LRRC8C: variants seen among roughly 807,000 people sequenced by gnomAD.
LRRC8C encodes leucine rich repeat containing 8 VRAC subunit C.
A neutral mutation model predicts 55.3 loss-of-function variants in LRRC8C; 20 were observed. The observed-to-expected ratio is 0.36, with a 90% CI of 0.25 to 0.53. The LOEUF is 0.53. Among genes scored for constraint, LRRC8C ranks in the 20% least tolerant of loss-of-function variants. The pLI is 0.92. For missense variants in LRRC8C, 659 were observed against 951.4 expected, an observed-to-expected ratio of 0.69 and a Z score of 4.04; for synonymous variants, 376 against 360.7, an observed-to-expected ratio of 1.04 and a Z score of -0.48.
At chr1:89,682,627 T>C (rs1657750533) in intron 1 of LRRC8C, among the ~76,000 whole-genome samples, 1 of 152,184 alleles carries the variant, frequency 6.6e-6, no homozygotes, top group Non-Finnish European at 1.5e-5. Context: ...TTCACATTAC[T>C]CAAGATAGAG....
rs141625607 is a variant in LRRC8C, at chr1:89,657,298, A to G, written c.-5+23976A>G. ...AAGTGTACAAAACTGTAATCAGTTC[A>G]TAGGAAGAGAATTTGTACAAAATTA... On this transcript the variant is annotated intron_variant, in intron 1 of 2. Transcript: ENST00000370454. Among the ~76,000 whole-genome samples, 619 of 152,356 alleles carry G rather than the reference A, an allele frequency of 4.1e-3. 3 individuals are homozygous for G. Among genetic ancestry groups the G allele is most frequent in the Non-Finnish European group, 7.0e-3 (475 of 68,030 alleles).
At chr1:89,620,579 CAA>C in the LRRC8C span, among the ~76,000 whole-genome samples, 44,136 of 137,028 alleles carry the variant, frequency 0.32, 6,504 homozygotes, top group East Asian at 0.58. Flanking sequence ...GATGATTTTT[CAA>C]AAAAAAAAAA....
At chr1:89,690,010 T>TAAACATG (rs1240926069) in intron 2 of LRRC8C, among the ~76,000 whole-genome samples, 1 of 152,174 alleles carries the variant, frequency 6.6e-6, no homozygotes, top group Non-Finnish European at 1.5e-5. Context: ...AGTTTGTTTG[T>TAAACATG]AAACATGTTA....
rs1658865915 is a variant in LRRC8C at position 89,717,664 on chromosome 1, T to C, written c.*2682T>C. 6.6e-6 allele frequency: 1 copy of C among 152,174 alleles called. No homozygotes were observed. The highest frequency in any genetic ancestry group is 6.5e-5 in the Admixed American group (1 of 15,276). The allele number at this position is 152,174 out of a possible 1,614,324, so 9.4% of individuals were successfully genotyped here. ...TTAATATTGTAAGTTTTTGTTCACT[T>C]TCTTAAGTAAAAAAAACATTTAATT... On this transcript the variant is annotated 3_prime_UTR_variant, in exon 3 of 3. Transcript: ENST00000370454.
intron 1 of LRRC8C, among the ~76,000 whole-genome samples, chr1:89,677,265 C>T (rs983352991): frequency 6.6e-6 from 1 of 152,088 alleles, no homozygotes; most frequent in African/African-American, 2.4e-5. Flanking sequence ...ATTAATTGAA[C>T]ATACAATATC....
chr1:89,685,275 C>T (rs544054056), intron 1 of LRRC8C, among the ~76,000 whole-genome samples: 8 of 122,302 alleles, frequency 6.5e-5, no homozygotes, highest in South Asian at 3.1e-4. Context: ...CCCGCCACCG[C>T]GCCCGGCTAA....
At chr1:89,663,495 G>A (rs560522502) in intron 1 of LRRC8C, among the ~76,000 whole-genome samples, 4 of 151,876 alleles carry the variant, frequency 2.6e-5, no homozygotes, top group Admixed American at 6.5e-5. Flanking sequence ...GTGTGAACCC[G>A]GGAGGCAGAG....
At chr1:89,639,247 A>G (rs1656388072) in intron 1 of LRRC8C, among the ~76,000 whole-genome samples, 1 of 152,048 alleles carries the variant, frequency 6.6e-6, no homozygotes, top group African/African-American at 2.4e-5. Flanking sequence ...AGCCTCCCCA[A>G]GTACTGGGAT....
chr1:89,666,986 G>A (rs1657283149), intron 1 of LRRC8C, among the ~76,000 whole-genome samples: 1 of 152,152 alleles, frequency 6.6e-6, no homozygotes, highest in Non-Finnish European at 1.5e-5. Context: ...AAAAGGGAGT[G>A]CTGGGATGGC....
At chr1:89,691,093 G>A (rs1012015789) in intron 2 of LRRC8C, among the ~76,000 whole-genome samples, 1 of 152,178 alleles carries the variant, frequency 6.6e-6, no homozygotes, top group African/African-American at 2.4e-5. Flanking sequence ...CAATATATCA[G>A]ACACTCTGTG....
At chr1:89,627,918 C>A in the LRRC8C span, among the ~76,000 whole-genome samples, 1 of 152,302 alleles carries the variant, frequency 6.6e-6, no homozygotes, top group South Asian at 2.1e-4. Context: ...ATAGGAAATT[C>A]TCATTGGAGC....
At position 89,712,909 on chromosome 1, in the gene LRRC8C, G is replaced by A; in HGVS notation, c.339G>A (p.Gln113=). The A allele has an allele frequency of 6.2e-7, 1 of 1,613,952 alleles. No individual in the cohort carries two copies. The highest frequency in any genetic ancestry group is 1.1e-5 in the South Asian group (1 of 91,086). The part of the protein sequence containing the change: ...LDLQQYSFIN[Q]MCYERALHWY... ...TTCAGCAGTACAGCTTTATAAATCA[G>A]ATGTGTTATGAGCGAGCCCTCCACT... is the stretch of plus-strand genomic sequence containing the variant. Residue 113 remains glutamine (Q), a synonymous_variant, in exon 3 of 3, where the codon CAG becomes CAA. Transcript: ENST00000370454.
chr1:89,657,508 C>T (rs1656980689), intron 1 of LRRC8C, among the ~76,000 whole-genome samples: 1 of 151,880 alleles, frequency 6.6e-6, no homozygotes, highest in Non-Finnish European at 1.5e-5. Flanking sequence ...TTTGGGAGGC[C>T]GAGGCAGGCA....
At chr1:89,685,309 G>A (rs950268214) in intron 1 of LRRC8C, among the ~76,000 whole-genome samples, 2 of 3,538 alleles carry the variant, frequency 5.7e-4, no homozygotes, top group South Asian at 0.25. Context: ...TAGTAGAGAC[G>A]GGGTTTCACG....
intron 1 of LRRC8C, among the ~76,000 whole-genome samples, chr1:89,662,744 TG>T (rs1657152895): frequency 6.6e-6 from 1 of 152,214 alleles, no homozygotes; most frequent in South Asian, 2.1e-4. Flanking sequence ...AAAGGTTAAC[TG>T]TCTGACTCTT....
At chr1:89,712,415 T>G (rs1658675960) in intron 2 of LRRC8C, among the ~76,000 whole-genome samples, 1 of 152,236 alleles carries the variant, frequency 6.6e-6, no homozygotes, top group South Asian at 2.1e-4. Flanking sequence ...GCCTGGCTGC[T>G]AATTTTTTAA....
chr1:89,621,296 TAA>T, the LRRC8C span, among the ~76,000 whole-genome samples: 19 of 123,840 alleles, frequency 1.5e-4, no homozygotes, highest in African/African-American at 1.6e-4. Flanking sequence ...CCGTCTCTAC[TAA>T]AAAAAAAAAA....
chr1:89,670,910 T>A (rs577370167), intron 1 of LRRC8C, among the ~76,000 whole-genome samples: 1 of 152,348 alleles, frequency 6.6e-6, no homozygotes, highest in Admixed American at 6.5e-5. Context: ...CTAGTTGGTA[T>A]GCATCTTTTC....
At chr1:89,677,957 A>G (rs1348269716) in intron 1 of LRRC8C, among the ~76,000 whole-genome samples, 3 of 152,210 alleles carry the variant, frequency 2.0e-5, no homozygotes, top group Non-Finnish European at 2.9e-5. Flanking sequence ...TTCACTGCCA[A>G]AAGAAAAGCA....
Sources: allele counts gnomAD v4.1 joint callset (sites outside exome capture counted in the v4.1 genomes callset), GRCh38; gene constraint gnomAD v4.1.1; transcripts MANE v1.5; gene names NCBI Gene and HGNC (gene_info 2026-07-23, HGNC 2026-07-21).